The following ZFAND6 variants were observed in gnomAD, a reference collection of about 807,000 sequenced individuals.
The protein encoded by ZFAND6 is zinc finger AN1-type containing 6, also known as AN1-type zinc finger protein 6.
ZFAND6 carries 12 observed loss-of-function variants against 24.5 expected under a neutral mutation model. The ratio of observed to expected loss-of-function variants is 0.49; its 90% CI spans 0.31 to 0.79. The LOEUF (loss-of-function observed/expected upper bound fraction) is 0.79, where lower values mean the gene tolerates loss of function less well. ZFAND6 is among the 30% of genes least tolerant of loss of function. The pLI, the probability that ZFAND6 is intolerant of heterozygous loss-of-function variation, is 0.04. For missense variants in ZFAND6, 207 were observed against 245.9 expected (o/e 0.84, Z 1.06); for synonymous variants, 92 against 81.5 (o/e 1.13, Z -0.69).
At chr15:80,067,247 A>T (rs1368493638) in intron 1 of ZFAND6, among the ~76,000 whole-genome samples, 2 of 152,082 alleles carry the variant, frequency 1.3e-5, no homozygotes, top group African/African-American at 4.8e-5. Context: ...TGGAGTTTTG[A>T]TTTTGTAATC....
intron 1 of ZFAND6, among the ~76,000 whole-genome samples, chr15:80,074,429 T>G (rs571084397): frequency 5.9e-5 from 9 of 151,966 alleles, no homozygotes; most frequent in Middle Eastern, 3.4e-3. Flanking sequence ...CAAGAAAATA[T>G]ATCAGAAACA....
intron 2 of ZFAND6, among the ~76,000 whole-genome samples, chr15:80,117,227 C>A (rs896535435): frequency 1.2e-4 from 17 of 146,044 alleles, no homozygotes; most frequent in African/African-American, 4.2e-4. Flanking sequence ...ACTGAATACT[C>A]TTTTTTTTTT....
Position 80,131,339 on chromosome 15 carries a change from AT to A in ZFAND6, c.478+47del, listed in dbSNP as rs1309889164. Reference sequence around the variant, plus strand: ...TTTAAAATTAAAATGATGTTTTATAATAATGCATAGCTTACTGTTGTTGACT... The same window carrying A: ...TTTAAAATTAAAATGATGTTTTATAAAATGCATAGCTTACTGTTGTTGACT... On this transcript the variant is annotated intron_variant, in intron 6 of 6. Transcript: ENST00000261749. 5 of 1,512,896 alleles carry A rather than the reference AT, an allele frequency of 3.3e-6. No homozygotes were observed. The African/African-American group carries it at 6.9e-5, about 21-fold the overall frequency. The allele number at this position is 1,512,896 out of a possible 1,614,324, so 93.7% of individuals were successfully genotyped here.
chr15:80,064,340 A>G (rs1416866377), intron 1 of ZFAND6, among the ~76,000 whole-genome samples: 2 of 152,144 alleles, frequency 1.3e-5, no homozygotes, highest in Non-Finnish European at 2.9e-5. Context: ...TTTCTTGTAT[A>G]TCTTTACCAG....
chr15:80,132,140 G>C (rs1267504298), intron 6 of ZFAND6, among the ~76,000 whole-genome samples: 1 of 152,206 alleles, frequency 6.6e-6, no homozygotes, highest in Non-Finnish European at 1.5e-5. Context: ...TTATACAGTT[G>C]ACTCTTGAAC....
At chr15:80,121,912 T>G in intron 4 of ZFAND6, 92 bp downstream of exon 4, 1 of 1,072,068 alleles carries the variant, frequency 9.3e-7, no homozygotes, top group Non-Finnish European at 1.3e-6. Context: ...TACGTAAAGC[T>G]ACTTTTAGAT....
intron 1 of ZFAND6, among the ~76,000 whole-genome samples, chr15:80,090,914 CAG>C (rs1178893874): frequency 2.6e-5 from 4 of 152,148 alleles, no homozygotes; most frequent in African/African-American, 9.7e-5. Flanking sequence ...CCTTAAAATA[CAG>C]AGTCACACAT....
intron 6 of ZFAND6, among the ~76,000 whole-genome samples, chr15:80,132,041 T>C (rs1235018411): frequency 6.6e-6 from 1 of 152,176 alleles, no homozygotes; most frequent in Admixed American, 6.5e-5. Flanking sequence ...GGACCATGAA[T>C]AGGGGAATGT....
intron 2 of ZFAND6, among the ~76,000 whole-genome samples, chr15:80,115,735 T>G (rs1444155359): frequency 2.0e-5 from 3 of 152,198 alleles, no homozygotes; most frequent in Non-Finnish European, 4.4e-5. Flanking sequence ...TTGTGCCTCT[T>G]GAGTTATGAA....
chr15:80,063,579 A>G (rs1340162753), intron 1 of ZFAND6, among the ~76,000 whole-genome samples: 1 of 144,020 alleles, frequency 6.9e-6, no homozygotes, highest in African/African-American at 2.6e-5. Context: ...TTTTTTTGAG[A>G]CGGAATCTTA....
chr15:80,108,884 C>T (rs779844593), intron 2 of ZFAND6, among the ~76,000 whole-genome samples: 24 of 151,994 alleles, frequency 1.6e-4, no homozygotes, highest in Non-Finnish European at 3.1e-4. Context: ...CCTGCCACCA[C>T]GCCTGGCTAA....
intron 1 of ZFAND6, among the ~76,000 whole-genome samples, chr15:80,086,527 G>A (rs929853248): frequency 2.0e-5 from 3 of 152,074 alleles, no homozygotes; most frequent in South Asian, 2.1e-4. Context: ...CACCCATTAT[G>A]GGTAACCAGT....
intron 1 of ZFAND6, among the ~76,000 whole-genome samples, chr15:80,081,616 C>G (rs181001214): frequency 1.2e-3 from 179 of 152,334 alleles, no homozygotes; most frequent in African/African-American, 4.2e-3. Context: ...TTTGCCTCAT[C>G]TGAACACAAT....
At chr15:80,086,857 T>C (rs2038037431) in intron 1 of ZFAND6, among the ~76,000 whole-genome samples, 1 of 152,246 alleles carries the variant, frequency 6.6e-6, no homozygotes, top group Non-Finnish European at 1.5e-5. Flanking sequence ...CCAACATTGT[T>C]TCTGTCACTG....
chr15:80,107,878 GC>G (rs2039418071), intron 2 of ZFAND6, among the ~76,000 whole-genome samples: 1 of 150,680 alleles, frequency 6.6e-6, no homozygotes, highest in African/African-American at 2.4e-5. Flanking sequence ...TGGGAGGGCA[GC>G]GGGGAGGGGG....
chr15:80,134,935 T>G (rs2040787567), intron 6 of ZFAND6, among the ~76,000 whole-genome samples: 1 of 152,174 alleles, frequency 6.6e-6, no homozygotes, highest in Admixed American at 6.5e-5. Context: ...AAGCAAATGG[T>G]GGAAGAAGGA....
At chr15:80,135,300 T>G (rs1171317783) in intron 6 of ZFAND6, among the ~76,000 whole-genome samples, 1 of 152,238 alleles carries the variant, frequency 6.6e-6, no homozygotes, top group Non-Finnish European at 1.5e-5. Context: ...TAGTCGACTA[T>G]GTTACCAGTA....
intron 1 of ZFAND6, among the ~76,000 whole-genome samples, chr15:80,065,478 T>C (rs2036572199): frequency 6.6e-6 from 1 of 151,884 alleles, no homozygotes; most frequent in Non-Finnish European, 1.5e-5. Context: ...GTTGTTGCTT[T>C]GTTAGTCCTC....
At chr15:80,115,071 G>A (rs2039810012) in intron 2 of ZFAND6, 1 of 152,066 alleles carries the variant, frequency 6.6e-6, no homozygotes, top group Non-Finnish European at 1.5e-5. Context: ...GGGAACTTGG[G>A]CAAGTTACTA....
Sources: gnomAD v4.1 joint callset for allele counts (sites outside exome capture counted in the v4.1 genomes callset) on GRCh38, gnomAD v4.1.1 for gene constraint, MANE v1.5 for transcripts, NCBI Gene and HGNC (gene_info 2026-07-23, HGNC 2026-07-21) for gene names.